Variants in ABLIM1 observed in about 807,000 individuals in gnomAD.
ABLIM1 encodes actin-binding LIM protein 1.
In ABLIM1, 40 loss-of-function variants were observed where a neutral mutation model predicts 107.0. The observed-to-expected ratio is 0.37, with a 90% CI of 0.29 to 0.49. The LOEUF is 0.49. Ranked by LOEUF, ABLIM1 falls within the 20% of genes least tolerant of loss-of-function variation. ABLIM1 has a pLI of 0.97. For synonymous variants in ABLIM1, 357 were observed against 357.3 expected (o/e 1.00, Z 0.01); for missense variants, 857 against 1,008.5 (o/e 0.85, Z 2.04).
rs555018828 is a variant in ABLIM1 at position 114,729,243 on chromosome 10, C to T, written c.-213+38818G>A. ...CCAAAGCCAATGTTCTCCACCATGA[C>T]GCTCCACATCCAGAGGCTTAAATGC... On this transcript the variant is annotated intron_variant, in intron 1 of 15. Transcript: ENST00000651092. Among the ~76,000 whole-genome samples, 10 of 152,182 alleles carry T rather than the reference C, an allele frequency of 6.6e-5. No individual in the cohort carries two copies. In the South Asian group the frequency reaches 1.7e-3, roughly 25 times the overall value.
chr10:114,488,278 C>A (rs2058466456), intron 7 of ABLIM1, among the ~76,000 whole-genome samples: 1 of 151,988 alleles, frequency 6.6e-6, no homozygotes, highest in African/African-American at 2.4e-5. Context: ...TCTTTTGATG[C>A]AAGAGATATT....
At chr10:114,769,243 C>T (rs952449851), upstream of ABLIM1, among the ~76,000 whole-genome samples, 20 of 143,130 alleles carry the variant, frequency 1.4e-4, no homozygotes, top group South Asian at 4.6e-4. Flanking sequence ...CCCAGCTACT[C>T]GGGAGGTTGA....
rs533853097 is a variant in ABLIM1, at chr10:114,707,264, G to A, written c.-213+60797C>T. On this transcript the variant is annotated intron_variant, in intron 1 of 15. Transcript: ENST00000651092. The surrounding 1 kb of genome is among the most constrained non-coding windows in gnomAD (Gnocchi z 4.1). ...CTGTTGTTGCTGTTGATGGAGTCTCGCACTGTCACCCAAGATGGAGTGCAG... is the reference window on the plus strand; with the variant it reads ...CTGTTGTTGCTGTTGATGGAGTCTCACACTGTCACCCAAGATGGAGTGCAG... Among the ~76,000 whole-genome samples, 2 of 152,028 alleles carry A rather than the reference G, an allele frequency of 1.3e-5. No individual in the cohort carries two copies. Among genetic ancestry groups the A allele is most frequent in the Non-Finnish European group, 2.9e-5 (2 of 68,008 alleles).
At chr10:114,503,762 T>G (rs74158013) in intron 6 of ABLIM1, among the ~76,000 whole-genome samples, 9,682 of 152,236 alleles carry the variant, frequency 0.064, 956 homozygotes, top group African/African-American at 0.21. Context: ...TTTTCTAACC[T>G]CTGTGAAGTG....
At position 114,666,613 on chromosome 10, in the gene ABLIM1, C is replaced by T. The variant is rs550208820; in HGVS notation, c.64+17677G>A. On this transcript the variant is annotated intron_variant, in intron 1 of 23. Coordinates refer to the ABLIM1 transcript ENST00000369256. The stretch of plus-strand genomic sequence containing the variant: ...GGTTTTGCTACTTGCTGCTCAGCAA[C>T]CTCAGGTGGGTTCTTATTGAAGCTT... Among the ~76,000 whole-genome samples the T allele has an allele frequency of 6.6e-5, 10 of 152,278 alleles. No individual in the cohort carries two copies. In the South Asian group the frequency reaches 2.1e-3, roughly 32 times the overall value.
intron 2 of ABLIM1, among the ~76,000 whole-genome samples, chr10:114,597,116 G>T (rs1041370522): frequency 6.6e-6 from 1 of 152,154 alleles, no homozygotes; most frequent in Admixed American, 6.5e-5. Flanking sequence ...CTCAGTACCC[G>T]AACATCGCCA....
At chr10:114,523,250 G>A (rs537357824) in intron 6 of ABLIM1, among the ~76,000 whole-genome samples, 17 of 152,134 alleles carry the variant, frequency 1.1e-4, no homozygotes, top group Admixed American at 8.5e-4. Context: ...CTCTCACTAC[G>A]GCATCTTTAC....
intron 6 of ABLIM1, among the ~76,000 whole-genome samples, chr10:114,543,388 A>G (rs1236504415): frequency 6.6e-6 from 1 of 152,156 alleles, no homozygotes; most frequent in Non-Finnish European, 1.5e-5. Context: ...TATTCTAGAT[A>G]TTTTATATAA....
intron 15 of ABLIM1, among the ~76,000 whole-genome samples, chr10:114,445,662 T>C: frequency 6.6e-6 from 1 of 152,228 alleles, no homozygotes; most frequent in Admixed American, 6.5e-5. Flanking sequence ...GCCTCCCTGC[T>C]CCATTAGAAC....
chr10:114,575,132 CT>C (rs1278628671), intron 3 of ABLIM1, among the ~76,000 whole-genome samples: 1 of 152,186 alleles, frequency 6.6e-6, no homozygotes, highest in Non-Finnish European at 1.5e-5. Context: ...CCATTTCCCC[CT>C]GATGTTTTTA....
At chr10:114,750,712 AT>A (rs1044986120) in intron 1 of ABLIM1, among the ~76,000 whole-genome samples, 3 of 152,156 alleles carry the variant, frequency 2.0e-5, no homozygotes, top group African/African-American at 7.2e-5. Flanking sequence ...TAGTAAAAAT[AT>A]TTTTTCCAAA....
intron 1 of ABLIM1, among the ~76,000 whole-genome samples, chr10:114,706,123 A>T (rs2081415692): frequency 6.6e-6 from 1 of 152,234 alleles, no homozygotes; most frequent in Admixed American, 6.5e-5. Flanking sequence ...CCATGCAAGA[A>T]GAATCTGTTG....
intron 1 of ABLIM1, among the ~76,000 whole-genome samples, chr10:114,692,967 T>C (rs988818206): frequency 1.3e-5 from 2 of 152,224 alleles, no homozygotes; most frequent in East Asian, 3.8e-4. Context: ...TGAATCATTT[T>C]AGGGTTTATA....
upstream of ABLIM1, among the ~76,000 whole-genome samples, chr10:114,658,640 T>A (rs2079640605): frequency 6.6e-6 from 1 of 152,168 alleles, no homozygotes; most frequent in African/African-American, 2.4e-5. Flanking sequence ...AGGGTAATAA[T>A]TCCAAGTTTT....
intron 1 of ABLIM1, among the ~76,000 whole-genome samples, chr10:114,621,060 A>ATCTCCTC (rs1352155088): frequency 6.6e-6 from 1 of 152,048 alleles, no homozygotes; most frequent in Non-Finnish European, 1.5e-5. Flanking sequence ...AAAATGCTAA[A>ATCTCCTC]CTGAGCTGCT....
At chr10:114,712,893 G>C (rs76995489) in intron 1 of ABLIM1, among the ~76,000 whole-genome samples, 6 of 152,080 alleles carry the variant, frequency 3.9e-5, no homozygotes, top group African/African-American at 1.4e-4. Flanking sequence ...AATGAAACAC[G>C]CATCTTCATG....
intron 6 of ABLIM1, among the ~76,000 whole-genome samples, chr10:114,535,123 T>G (rs7913736): frequency 0.013 from 1,937 of 152,328 alleles, 51 homozygotes; most frequent in African/African-American, 0.045. Flanking sequence ...AGTAAAGTGT[T>G]GCAAAACCAA....
intron 1 of ABLIM1, among the ~76,000 whole-genome samples, chr10:114,626,019 A>G (rs2077767535): frequency 6.6e-6 from 1 of 152,204 alleles, no homozygotes; most frequent in Non-Finnish European, 1.5e-5. Flanking sequence ...ATTTTTTTAG[A>G]AGTAAGCAGG....
At chr10:114,626,401 G>A (rs1007367053) in intron 1 of ABLIM1, among the ~76,000 whole-genome samples, 23 of 152,156 alleles carry the variant, frequency 1.5e-4, no homozygotes, top group African/African-American at 5.6e-4. Context: ...CTTCCTTAAG[G>A]TAGATTGTAG....
Sources: allele counts gnomAD v4.1 joint callset (sites outside exome capture counted in the v4.1 genomes callset), GRCh38; gene constraint gnomAD v4.1.1; non-coding constraint Gnocchi (gnomAD v3.1); transcripts MANE v1.5; gene names NCBI Gene and HGNC (gene_info 2026-07-23, HGNC 2026-07-21).